Variants in MYO15A observed in about 807,000 individuals in gnomAD.
MYO15A encodes myosin XVA.
MYO15A carries 308 observed loss-of-function variants against 394.6 expected under a neutral mutation model. The ratio of observed to expected loss-of-function variants is 0.78; its 90% CI spans 0.71 to 0.86. The LOEUF (loss-of-function observed/expected upper bound fraction) is 0.86, where lower values mean the gene tolerates loss of function less well. Among genes scored for constraint, MYO15A ranks in the 40% least tolerant of loss-of-function variants. The pLI is 0.00. For synonymous variants in MYO15A, 1,957 were observed against 2,003.8 expected, an observed-to-expected ratio of 0.98 and a Z score of 0.62; for missense variants, 4,606 against 4,799.1, an observed-to-expected ratio of 0.96 and a Z score of 1.19.
intron 57 of MYO15A, among the ~76,000 whole-genome samples, chr17:18,161,915 C>T (rs937620298): frequency 6.6e-6 from 1 of 152,042 alleles, no homozygotes; most frequent in Non-Finnish European, 1.5e-5. Context: ...CACTCTTCAG[C>T]GTTGTTTCCA....
chr17:18,133,742 C>A (rs1372107937), intron 12 of MYO15A, among the ~76,000 whole-genome samples: 2 of 151,424 alleles, frequency 1.3e-5, no homozygotes, highest in African/African-American at 4.9e-5. Context: ...CTGCAACCAC[C>A]GCCTCCCAGG....
rs2045955301 is a variant in MYO15A, at chr17:18,122,367, G to A, written c.3567G>A (p.Arg1189=). ...CTGGAGCTGCCTGCCTGTCCCTTAG[G>A]GGCTCCTGGGAGGAGGTCGGCCCGC... is the stretch of plus-strand genomic sequence containing the variant. The part of the protein sequence containing the change: ...LGPGAACLSL[R]GSWEEVGPPS... Residue 1189 remains arginine, a synonymous_variant, in exon 2 of 66, where the codon AGG becomes AGA. Coordinates refer to ENST00000647165, the MANE Select transcript of MYO15A (RefSeq NM_016239.4). 6.2e-7 allele frequency: 1 copy of A among 1,612,824 alleles called. No homozygotes were observed. Among genetic ancestry groups the A allele is most frequent in the Middle Eastern group, 1.7e-4 (1 of 6,060 alleles).
rs1369735252 is a variant in MYO15A at position 18,125,223 on chromosome 17, C to G, written c.3748C>G (p.Leu1250Val). 6.2e-7 allele frequency: 1 copy of G among 1,614,006 alleles called. No individual in the cohort carries two copies. The highest frequency in any genetic ancestry group is 2.2e-5 in the East Asian group (1 of 44,896). ...SNLKIRFERNLIYTYIGSILV... is the reference protein window; with the variant it reads ...SNLKIRFERNVIYTYIGSILV... ...CCTCAAGATTAGATTTGAACGGAACCTCATCTACGTAAGGCCTGGGGCTGG... is the reference window on the plus strand; with the variant it reads ...CCTCAAGATTAGATTTGAACGGAACGTCATCTACGTAAGGCCTGGGGCTGG... Residue 1250 changes from leucine (L) to valine (V), a missense_variant, in exon 4 of 66, where the codon CTC becomes GTC. By Grantham distance (32) the Leu-to-Val change is conservative. Coordinates refer to ENST00000647165, the MANE Select transcript of MYO15A (RefSeq NM_016239.4).
intron 57 of MYO15A, 103 bp downstream of exon 57, chr17:18,161,550 G>C: frequency 6.7e-7 from 1 of 1,499,538 alleles, no homozygotes; most frequent in Non-Finnish European, 9.2e-7. Flanking sequence ...GCTCTTCACA[G>C]GTGCTGAGCA....
At chr17:18,124,601 C>T (rs1490979025) in intron 3 of MYO15A, 36 bp downstream of exon 3, 2 of 1,603,506 alleles carry the variant, frequency 1.2e-6, no homozygotes, top group Admixed American at 3.4e-5. Flanking sequence ...AGCAAGGGGT[C>T]ACCATGGGGT....
rs535441567 is a variant in MYO15A at position 18,166,486 on chromosome 17, G to A, written c.9913G>A (p.Glu3305Lys). The A allele has an allele frequency of 7.2e-5, 117 of 1,613,882 alleles. No individual in the cohort carries two copies. Among genetic ancestry groups the A allele is most frequent in the South Asian group, 5.8e-4 (53 of 91,086 alleles). The change falls in exon 61 of 66, where the codon GAG becomes AAG. Residue 3305 changes from glutamate (E) to lysine (K), a missense_variant. Physicochemically the swap from Glu to Lys is moderately conservative, Grantham distance 56 (BLOSUM62 1). This residue lies in a region of MYO15A where 2,776 missense variants were observed against 3,109.3 expected (regional missense o/e 0.89). Transcript: ENST00000647165. ...RVLWDQPLKF[E>K]NELYVTMHYN... is the part of the protein sequence containing the mutation. ...GCTCTGGGATCAGCCACTCAAGTTC[G>A]AGAATGAGCTATATGTGACCATGCA...
In MYO15A at chr17:18,155,211, A is replaced by G; in HGVS notation, c.8326A>G (p.Ile2776Val). The G allele has an allele frequency of 1.2e-6, 2 of 1,613,898 alleles. No individual in the cohort carries two copies. The highest frequency in any genetic ancestry group is 1.7e-5 in the Admixed American group (1 of 60,020). Residue 2776 changes from isoleucine to valine, a missense_variant, in exon 46 of 66, where the codon ATC (isoleucine) becomes GTC (valine). Transcript: ENST00000647165. ...RDTWEVYFSR[I>V]FPATGSVGTG... is the part of the protein sequence containing the mutation. ...CACCTGGGAGGTCTACTTCTCCCGC[A>G]TCTTCCCCGCCACGGTGCGAGCCCC...
intron 56 of MYO15A, among the ~76,000 whole-genome samples, chr17:18,160,252 G>C (rs1014771125): frequency 1.3e-5 from 2 of 152,328 alleles, no homozygotes; most frequent in Non-Finnish European, 2.9e-5. Flanking sequence ...TGTAAGTCCA[G>C]ATTCTTAGTT....
chr17:18,157,973 G>C (rs2046709604), intron 51 of MYO15A, 73 bp downstream of exon 51: 1 of 1,439,264 alleles, frequency 6.9e-7, no homozygotes, highest in African/African-American at 1.4e-5. Flanking sequence ...GGTGAGGCGA[G>C]TGGGGATAAG....
At chr17:18,163,060 CCTCT>C (rs2046798798) in intron 58 of MYO15A, among the ~76,000 whole-genome samples, 180 bp from the exon 59 acceptor site, 1 of 152,312 alleles carries the variant, frequency 6.6e-6, no homozygotes, top group African/African-American at 2.4e-5. Context: ...TGCCCAGAGA[CCTCT>C]CTGTCAGGTG....
Position 18,157,783 on chromosome 17 carries a change from C to T in MYO15A, c.8850C>T (p.Pro2950=), listed in dbSNP as rs374721919. 10 of 1,604,412 alleles carry T rather than the reference C, an allele frequency of 6.2e-6. No homozygotes were observed. The highest frequency in any genetic ancestry group is 2.2e-5 in the East Asian group (1 of 44,846). The change falls in exon 51 of 66, where the codon CCC becomes CCT. Residue 2950 remains proline (P), a synonymous_variant. Coordinates refer to ENST00000647165, the MANE Select transcript of MYO15A (RefSeq NM_016239.4). ...VGRFPSELVQ[P]AAAPDFLQLP... ...GCTTCCCTTCGGAGCTGGTGCAGCC[C>T]GCTGCTGCCCCCGACTTCCTGCAGC...
At chr17:18,112,831 A>G (rs2925143) in intron 1 of MYO15A, among the ~76,000 whole-genome samples, 137,304 of 151,780 alleles carry the variant, frequency 0.9, 62,098 homozygotes, top group South Asian at 0.95. Flanking sequence ...TTAATTTCTT[A>G]TGTATCTTTT....
rs751188366 is a variant in MYO15A at position 18,121,686 on chromosome 17, C to A, written c.2886C>A (p.Asn962Lys). The change falls in exon 2 of 66, where the codon AAC becomes AAA. Residue 962 changes from asparagine to lysine, a missense_variant. By Grantham distance (94) the Asn-to-Lys change is moderately conservative. Coordinates refer to ENST00000647165, the MANE Select transcript of MYO15A (RefSeq NM_016239.4). This position sits in a 1 kb window ranked among gnomAD's most constrained non-coding sequence, Gnocchi z 5.3. ...GFSRPPPVPE[N>K]PFLQLLGPVP... ...CCAGGCCACCCCCTGTGCCGGAAAA[C>A]CCCTTTCTCCAGCTCCTGGGCCCTG... 2 of 1,564,848 alleles carry A rather than the reference C, an allele frequency of 1.3e-6. No homozygotes were observed. Among genetic ancestry groups the A allele is most frequent in the East Asian group, 2.4e-5 (1 of 42,204 alleles).
intron 53 of MYO15A, 100 bp downstream of exon 53, chr17:18,159,097 C>A: frequency 7.0e-7 from 1 of 1,423,102 alleles, no homozygotes; most frequent in South Asian, 1.2e-5. Flanking sequence ...CAGTGAGACC[C>A]TCTGATTCTC....
rs368379543 is a variant in MYO15A at position 18,169,115 on chromosome 17, A to AAATAATAAT, written c.10082+1428_10082+1436dup. ...GTGACAAGAGCGAAACTCCATCTCA[A>AAATAATAAT]AATAATAATAATAATAATAATAATA... On this transcript the variant is annotated intron_variant, in intron 62 of 65. Coordinates refer to ENST00000647165, the MANE Select transcript of MYO15A (RefSeq NM_016239.4). Among the ~76,000 whole-genome samples, 416 of 128,488 alleles carry AAATAATAAT rather than the reference A, an allele frequency of 3.2e-3. 3 individuals are homozygous for AAATAATAAT. Among genetic ancestry groups the AAATAATAAT allele is most frequent in the East Asian group, 0.014 (63 of 4,440 alleles). 84.3% of individuals were successfully genotyped at this position (128,488 alleles called of 152,430 possible). A position where few individuals can be genotyped will look rare whatever the true frequency, so the allele number is the denominator to read the frequency against.
rs200926400 is a variant in MYO15A, at chr17:18,157,828, C to T, written c.8895C>T (p.Arg2965=). The T allele has an allele frequency of 4.0e-4, 633 of 1,568,508 alleles. 4 individuals carry two copies. In the East Asian group the frequency reaches 5.8e-3, roughly 14 times the overall value. Residue 2965 remains arginine, a synonymous_variant, in exon 51 of 66, where the codon CGC becomes CGT. Transcript: ENST00000647165. ...TGCAGCTGCCAACGGAGCCAGGCCG[C>T]GGCCGAGCAGCCGCCGTGGCCGCTG... is the stretch of plus-strand genomic sequence containing the variant. The part of the protein sequence containing the change: ...DFLQLPTEPG[R]GRAAAVAAAV...
intron 3 of MYO15A, 122 bp from the exon 4 acceptor site, chr17:18,125,046 G>T: frequency 1.1e-6 from 1 of 915,158 alleles, no homozygotes; most frequent in Non-Finnish European, 1.8e-6. Flanking sequence ...TAGCTGGTTG[G>T]TGTCAGAAAC....
At position 18,162,645 on chromosome 17, in the gene MYO15A, A is replaced by C; in HGVS notation, c.9578A>C (p.Glu3193Ala). Residue 3193 changes from glutamate to alanine, a missense_variant, in exon 58 of 66, where the codon GAG (glutamate) becomes GCG (alanine). By Grantham distance (107) the Glu-to-Ala change is moderately radical. This residue lies in a region of MYO15A where 2,776 missense variants were observed against 3,109.3 expected (regional missense o/e 0.89). Transcript: ENST00000647165. ...QKTLRFGGRL[E>A]LPSSIELRAM... Reference sequence around the variant, plus strand: ...ACCTTGCGCTTCGGAGGTCGTCTGGAGCTCCCCAGCAGCATAGAGCTTCGG... The same window carrying C: ...ACCTTGCGCTTCGGAGGTCGTCTGGCGCTCCCCAGCAGCATAGAGCTTCGG... The C allele has an allele frequency of 6.2e-7, 1 of 1,614,038 alleles. No homozygotes were observed. Among genetic ancestry groups the C allele is most frequent in the Non-Finnish European group, 8.5e-7 (1 of 1,179,972 alleles).
Position 18,178,810 on chromosome 17 carries a change from C to A in MYO15A, c.10533C>A (p.Asn3511Lys). The A allele has an allele frequency of 6.2e-7, 1 of 1,613,998 alleles. No homozygotes were observed. The highest frequency in any genetic ancestry group is 8.5e-7 in the Non-Finnish European group (1 of 1,180,020). ...LCRVVAVHVENLLSAHEKRLT... is the reference protein window; with the variant it reads ...LCRVVAVHVEKLLSAHEKRLT... ...GTGTGGTGGCCGTGCACGTGGAGAA[C>A]CTGCTCAGTGCCCATGAGAAGCGGC... Residue 3511 changes from asparagine (N) to lysine (K), a missense_variant, in exon 66 of 66, where the codon AAC becomes AAA. By Grantham distance (94) the Asn-to-Lys change is moderately conservative (BLOSUM62 0). Around this residue, in one of 2 missense-constraint regions of MYO15A, gnomAD observed 2,776 missense variants for 3,109.3 expected, o/e 0.89. Transcript: ENST00000647165.
Sources: allele counts gnomAD v4.1 joint callset (sites outside exome capture counted in the v4.1 genomes callset), GRCh38; gene constraint gnomAD v4.1.1; regional missense constraint gnomAD v4.1.1; non-coding constraint Gnocchi (gnomAD v3.1); transcripts MANE v1.5; gene names NCBI Gene and HGNC (gene_info 2026-07-23, HGNC 2026-07-21).